Variants in NECTIN3 observed in about 807,000 individuals in gnomAD.
NECTIN3 encodes nectin-3.
A neutral mutation model predicts 49.4 loss-of-function variants in NECTIN3; 8 were observed. The ratio of observed to expected loss-of-function variants is 0.16; its 90% CI spans 0.10 to 0.29. The LOEUF (loss-of-function observed/expected upper bound fraction) is 0.29, where lower values mean the gene tolerates loss of function less well. NECTIN3 is among the 10% of genes least tolerant of loss of function. The pLI is 1.00. For missense variants in NECTIN3, 581 were observed against 654.6 expected, an observed-to-expected ratio of 0.89 and a Z score of 1.23; for synonymous variants, 277 against 241.1, an observed-to-expected ratio of 1.15 and a Z score of -1.38.
intron 7 of NECTIN3, among the ~76,000 whole-genome samples, chr3:111,170,824 AAC>A (rs1454046105): frequency 6.6e-6 from 1 of 152,180 alleles, no homozygotes; most frequent in Non-Finnish European, 1.5e-5. Context: ...GGATTGCTAA[AAC>A]ACAGATTTTA....
intron 4 of NECTIN3, among the ~76,000 whole-genome samples, chr3:111,125,022 CTTTTTTTTTT>C (rs869201432): frequency 2.2e-5 from 2 of 90,210 alleles, no homozygotes; most frequent in African/African-American, 9.8e-5. Flanking sequence ...TCTTTTCTTT[CTTTTTTTTTT>C]TTTTTTTTTT....
chr3:111,165,285 C>T (rs1005233622), intron 7 of NECTIN3, among the ~76,000 whole-genome samples: 1 of 152,030 alleles, frequency 6.6e-6, no homozygotes, highest in African/African-American at 2.4e-5. Flanking sequence ...CCTCGTGATC[C>T]GCCCACCTCG....
chr3:111,163,742 C>T (rs1026984170), intron 7 of NECTIN3, among the ~76,000 whole-genome samples: 10 of 152,024 alleles, frequency 6.6e-5, no homozygotes, highest in Non-Finnish European at 1.3e-4. Flanking sequence ...AGGGAAGATT[C>T]ATTTTATAGG....
chr3:111,187,919 CTAATG>C (rs780785162), upstream of NECTIN3, among the ~76,000 whole-genome samples: 2 of 152,082 alleles, frequency 1.3e-5, no homozygotes, highest in Non-Finnish European at 2.9e-5. Context: ...AGAGTGAACT[CTAATG>C]TAAACTATAA....
upstream of NECTIN3, among the ~76,000 whole-genome samples, chr3:111,190,079 T>C (rs2035787736): frequency 2.0e-5 from 3 of 152,208 alleles, no homozygotes; most frequent in South Asian, 6.2e-4. Flanking sequence ...ATTAGACCAC[T>C]TACAACAGAA....
chr3:111,085,651 C>T (rs1311231499), intron 1 of NECTIN3, among the ~76,000 whole-genome samples: 1 of 151,928 alleles, frequency 6.6e-6, no homozygotes, highest in Non-Finnish European at 1.5e-5. Context: ...CTTTGTAATA[C>T]TTCTTTGCTT....
chr3:111,174,966 T>C (rs2035500598), intron 7 of NECTIN3, among the ~76,000 whole-genome samples: 1 of 152,044 alleles, frequency 6.6e-6, no homozygotes, highest in Non-Finnish European at 1.5e-5. Flanking sequence ...GAGTGTGGAC[T>C]TGAAGGATGA....
intron 4 of NECTIN3, among the ~76,000 whole-genome samples, chr3:111,125,930 G>A (rs1033654678): frequency 5.9e-5 from 9 of 151,600 alleles, no homozygotes; most frequent in East Asian, 1.9e-4. Flanking sequence ...CTTTTCTCCC[G>A]TTTTATTATG....
chr3:111,138,219 TTTC>T, downstream of NECTIN3, among the ~76,000 whole-genome samples: 1 of 151,826 alleles, frequency 6.6e-6, no homozygotes, highest in Admixed American at 6.6e-5. Flanking sequence ...CATCACTTTG[TTTC>T]CTATTTCTGG....
intron 1 of NECTIN3, chr3:111,072,530 T>C: frequency 6.5e-7 from 1 of 1,535,924 alleles, no homozygotes; most frequent in Non-Finnish European, 8.7e-7. Context: ...GGTGCCGGGA[T>C]GCACGTTTGC....
intron 7 of NECTIN3, among the ~76,000 whole-genome samples, chr3:111,159,481 TG>T (rs1196568323): frequency 6.6e-6 from 1 of 152,184 alleles, no homozygotes; most frequent in Non-Finnish European, 1.5e-5. Flanking sequence ...TAGTTTTTTT[TG>T]TTTGTTTTTT....
chr3:111,114,633 C>G (rs2033612111), intron 2 of NECTIN3, among the ~76,000 whole-genome samples: 1 of 152,048 alleles, frequency 6.6e-6, no homozygotes, highest in Non-Finnish European at 1.5e-5. Flanking sequence ...ATAGTTGAGT[C>G]AGTCCTCAGT....
chr3:111,162,863 A>G (rs937242898), intron 7 of NECTIN3, among the ~76,000 whole-genome samples: 5 of 152,182 alleles, frequency 3.3e-5, no homozygotes, highest in South Asian at 2.1e-4. Context: ...CCTTAAAGCT[A>G]TTGCCACATG....
At chr3:111,160,865 G>C (rs1398858786) in intron 7 of NECTIN3, among the ~76,000 whole-genome samples, 1 of 152,128 alleles carries the variant, frequency 6.6e-6, no homozygotes, top group Non-Finnish European at 1.5e-5. Flanking sequence ...AACTTAGCCG[G>C]GTGTGTTGGT....
upstream of NECTIN3, among the ~76,000 whole-genome samples, chr3:111,189,891 C>A (rs1321595988): frequency 2.6e-5 from 4 of 152,142 alleles, no homozygotes; most frequent in Non-Finnish European, 5.9e-5. Flanking sequence ...TAAACCAATG[C>A]CCAGGCATCT....
chr3:111,192,297 T>G, upstream of NECTIN3: 6 of 1,423,544 alleles, frequency 4.2e-6, no homozygotes, highest in East Asian at 2.5e-5. Flanking sequence ...TCTTAGTGGT[T>G]GATATGTTTT....
At chr3:111,127,422 G>A (rs990159617) in intron 5 of NECTIN3, among the ~76,000 whole-genome samples, 6 of 149,198 alleles carry the variant, frequency 4.0e-5, no homozygotes, top group Non-Finnish European at 5.9e-5. Flanking sequence ...TGTATACTCA[G>A]CAGTGAGCAT....
chr3:111,120,421 G>A (rs6765553), intron 3 of NECTIN3, among the ~76,000 whole-genome samples: 4,172 of 152,068 alleles, frequency 0.027, 210 homozygotes, highest in African/African-American at 0.095. Context: ...TTGTCTTATA[G>A]CACAAATTTA....
intron 1 of NECTIN3, among the ~76,000 whole-genome samples, chr3:111,103,783 T>C (rs564437616): frequency 6.6e-6 from 1 of 152,026 alleles, no homozygotes; most frequent in Non-Finnish European, 1.5e-5. Context: ...TGGCTGTGGG[T>C]GTTTTGTTTT....
Sources: gnomAD v4.1 joint callset for allele counts (sites outside exome capture counted in the v4.1 genomes callset) on GRCh38, gnomAD v4.1.1 for gene constraint, MANE v1.5 for transcripts, NCBI Gene and HGNC (gene_info 2026-07-23, HGNC 2026-07-21) for gene names.